Variants in PCDHGB5 observed in about 807,000 individuals in gnomAD.
The protein encoded by PCDHGB5 is protocadherin gamma-B5.
A neutral mutation model predicts 62.9 loss-of-function variants in PCDHGB5; 48 were observed. That is an observed-to-expected ratio of 0.76 (90% CI 0.61 to 0.97). The LOEUF is 0.97. Among genes scored for constraint, PCDHGB5 ranks in the 50% least tolerant of loss-of-function variants. The pLI is 0.00. For missense variants in PCDHGB5, 1,118 were observed against 1,198.6 expected, an observed-to-expected ratio of 0.93 and a Z score of 0.99; for synonymous variants, 474 against 511.2, an observed-to-expected ratio of 0.93 and a Z score of 0.98.
At position 141,432,202 on chromosome 5, in the gene PCDHGB5, T is replaced by C; in HGVS notation, c.2397+31678T>C. 1 of 1,614,120 alleles carries C rather than the reference T, an allele frequency of 6.2e-7. No homozygotes were observed. The highest frequency in any genetic ancestry group is 1.1e-5 in the South Asian group (1 of 91,072). ...CTGTGACCGCCCACGACCCCGACTGTGAAGAGAACGCCCAGATCACTTATT... is the reference window on the plus strand; with the variant it reads ...CTGTGACCGCCCACGACCCCGACTGCGAAGAGAACGCCCAGATCACTTATT... On this transcript the variant is annotated intron_variant, in intron 1 of 3. Coordinates refer to ENST00000617380, the MANE Select transcript of PCDHGB5 (RefSeq NM_018925.3). The surrounding 1 kb of genome is among the most constrained non-coding windows in gnomAD (Gnocchi z 6.0).
intron 1 of PCDHGB5, chr5:141,409,991 G>A: frequency 6.2e-6 from 10 of 1,613,320 alleles, no homozygotes; most frequent in Non-Finnish European, 7.6e-6. Flanking sequence ...GGTGGACGCC[G>A]ACTCGGGACA....
chr5:141,421,513 C>G lies in PCDHGB5; in HGVS notation c.2397+20989C>G, dbSNP rs368199651. ...GGCAGGCAGGATAGACCGGGAGGAG[C>G]TCTGTGAGACGGTGTCCTCCTGTTT... On this transcript the variant is annotated intron_variant, in intron 1 of 3. Coordinates refer to ENST00000617380, the MANE Select transcript of PCDHGB5 (RefSeq NM_018925.3). 61 of 1,614,078 alleles carry G rather than the reference C, an allele frequency of 3.8e-5. No individual in the cohort carries two copies. The African/African-American group carries it at 7.5e-4, about 20-fold the overall frequency.
chr5:141,478,415 C>T, intron 1 of PCDHGB5: 1 of 1,613,648 alleles, frequency 6.2e-7, no homozygotes, highest in Non-Finnish European at 8.5e-7. Flanking sequence ...CACGGACTCC[C>T]GCCGCAGCGA....
At chr5:141,421,164 A>C (rs1304650780) in intron 1 of PCDHGB5, 9 of 1,286,298 alleles carry the variant, frequency 7.0e-6, no homozygotes, top group Non-Finnish European at 9.4e-6. Context: ...GACTTCATAG[A>C]TACATAAGCC....
At chr5:141,502,363 T>C (rs1216939790) in intron 2 of PCDHGB5, among the ~76,000 whole-genome samples, 2 of 152,100 alleles carry the variant, frequency 1.3e-5, no homozygotes, top group African/African-American at 4.8e-5. Context: ...ATGGATATTT[T>C]TAAAGAGTCC....
At position 141,459,716 on chromosome 5, in the gene PCDHGB5, C is replaced by T. The variant is rs1592633942; in HGVS notation, c.2398-35091C>T. On this transcript the variant is annotated intron_variant, in intron 1 of 3. Coordinates refer to ENST00000617380, the MANE Select transcript of PCDHGB5 (RefSeq NM_018925.3). ...CGCTTGCTACATTTTCTCACCAATG[C>T]TTCCTATTGTCAATTTTTTAAATTT... is the stretch of plus-strand genomic sequence containing the variant. Among the ~76,000 whole-genome samples the T allele has an allele frequency of 2.0e-5, 3 of 152,334 alleles. No homozygotes were observed. In the South Asian group the frequency reaches 6.2e-4, roughly 32 times the overall value.
Position 141,409,613 on chromosome 5 carries a change from A to T in PCDHGB5, c.2397+9089A>T, listed in dbSNP as rs370495173. 6.6e-5 allele frequency: 107 copies of T among 1,613,738 alleles called. 1 individual carries two copies. The South Asian group carries it at 1.1e-3, about 17-fold the overall frequency. ...CGAGAACAACCCGCCAGGAGCCTCC[A>T]TTGCGCAAGTGAGCGCCTCTGACCC... On this transcript the variant is annotated intron_variant, in intron 1 of 3. Transcript: ENST00000617380.
Position 141,427,553 on chromosome 5 carries a change from TG to T in PCDHGB5, c.2397+27030del, listed in dbSNP as rs201716174. ...AGTACAACGTCACCATCACTGCCAC[TG>T]ACAAGGGCAAGCCTCCGCTCTCATC... On this transcript the variant is annotated intron_variant, in intron 1 of 3. Transcript: ENST00000617380. 2.7e-3 allele frequency: 1,760 copies of T among 646,124 alleles called. 23 individuals are homozygous for T. In the African/African-American group the frequency reaches 0.028, roughly 10 times the overall value. 40.0% of individuals were successfully genotyped at this position (646,124 alleles called of 1,614,324 possible).
In PCDHGB5 at chr5:141,399,205, A is replaced by G. The variant is rs1344993471; in HGVS notation, c.1078A>G (p.Thr360Ala). Reference sequence around the variant, plus strand: ...GATTCTGGAAAACGCGGTGCCTGGAACACTAATTGCTTTGATCAAAATACA... The same window carrying G: ...GATTCTGGAAAACGCGGTGCCTGGAGCACTAATTGCTTTGATCAAAATACA... ...EMILENAVPG[T>A]LIALIKIHDQ... The change falls in exon 1 of 4, where the codon ACA becomes GCA. Residue 360 changes from threonine to alanine, a missense_variant. Physicochemically the swap from Thr to Ala is moderately conservative, Grantham distance 58. Around this residue, in one of 2 missense-constraint regions of PCDHGB5, gnomAD observed 1,034 missense variants for 1,029.1 expected, o/e 1.00. Coordinates refer to ENST00000617380, the MANE Select transcript of PCDHGB5 (RefSeq NM_018925.3). The G allele has an allele frequency of 6.2e-7, 1 of 1,613,982 alleles. No homozygotes were observed. The highest frequency in any genetic ancestry group is 1.7e-5 in the Admixed American group (1 of 60,032).
chr5:141,472,850 G>A (rs1230517294), intron 1 of PCDHGB5, among the ~76,000 whole-genome samples: 1 of 151,876 alleles, frequency 6.6e-6, no homozygotes, highest in Admixed American at 6.6e-5. Flanking sequence ...GCTGGGCATG[G>A]TGGCACATGC....
intron 1 of PCDHGB5, among the ~76,000 whole-genome samples, chr5:141,443,297 A>G (rs1208893030): frequency 6.7e-6 from 1 of 148,196 alleles, no homozygotes; most frequent in East Asian, 2.0e-4. Context: ...CCTGGACAGC[A>G]TGGCAAAAAC....
At position 141,398,580 on chromosome 5, in the gene PCDHGB5, A is replaced by G; in HGVS notation, c.453A>G (p.Arg151=). ...QISESAQPGT[R]FILEVAEDAD... ...GTGAGTCTGCACAGCCTGGCACAAGATTTATACTAGAAGTAGCAGAAGATG... is the reference window on the plus strand; with the variant it reads ...GTGAGTCTGCACAGCCTGGCACAAGGTTTATACTAGAAGTAGCAGAAGATG... The change falls in exon 1 of 4, where the codon AGA becomes AGG. Residue 151 remains arginine, a synonymous_variant. Coordinates refer to ENST00000617380, the MANE Select transcript of PCDHGB5 (RefSeq NM_018925.3). The G allele has an allele frequency of 6.2e-7, 1 of 1,614,044 alleles. No homozygotes were observed. The highest frequency in any genetic ancestry group is 8.5e-7 in the Non-Finnish European group (1 of 1,179,900).
intron 1 of PCDHGB5, chr5:141,408,038 C>G (rs2095030679): frequency 8.6e-7 from 1 of 1,156,402 alleles, no homozygotes; most frequent in Admixed American, 3.0e-5. Flanking sequence ...AGAAAACCAG[C>G]TCCCACACAG....
intron 1 of PCDHGB5, chr5:141,415,740 G>GTTTTTTTTTTTTTTTTTTTTTTTTTTTTT (rs57426385): frequency 8.0e-6 from 5 of 625,030 alleles, no homozygotes; most frequent in African/African-American, 2.5e-5. Flanking sequence ...GTTTATTAAG[G>GTTTTTTTTTTTTTTTTTTTTTTTTTTTTT]TTTTTTTTTT....
intron 1 of PCDHGB5, chr5:141,420,386 A>G (rs1407565643): frequency 6.2e-6 from 8 of 1,284,798 alleles, no homozygotes; most frequent in Non-Finnish European, 7.2e-6. Context: ...AGTTCGCAAA[A>G]TATAGGTCAA....
In PCDHGB5 at chr5:141,400,377, A is replaced by G; in HGVS notation, c.2250A>G (p.Leu750=). The G allele has an allele frequency of 1.2e-6, 2 of 1,613,892 alleles. No homozygotes were observed. The highest frequency in any genetic ancestry group is 1.7e-6 in the Non-Finnish European group (2 of 1,179,888). The change falls in exon 1 of 4, where the codon CTA becomes CTG. Residue 750 remains leucine, a synonymous_variant. Coordinates refer to ENST00000617380, the MANE Select transcript of PCDHGB5 (RefSeq NM_018925.3). ...GGACTTTGCCTTATTCCTACAACCT[A>G]TGTGTTGCACATACAGGAAAGACGG... is the stretch of plus-strand genomic sequence containing the variant. ...SQGTLPYSYN[L]CVAHTGKTEF...
intron 1 of PCDHGB5, chr5:141,410,752 G>GT: frequency 4.4e-6 from 5 of 1,130,822 alleles, no homozygotes; most frequent in Non-Finnish European, 5.8e-6. Context: ...TTTTCTCAAT[G>GT]TTTTTTCAAT....
chr5:141,413,111 AG>A lies in PCDHGB5; in HGVS notation c.2397+12589del, dbSNP rs962952666. ...ACACCCTGAAGCCACAGAAAGACAA[AG>A]GAACCGGTTGAAACACACAACGTGT... On this transcript the variant is annotated intron_variant, in intron 1 of 3. Transcript: ENST00000617380. 4.7e-6 allele frequency: 7 copies of A among 1,499,852 alleles called. No individual in the cohort carries two copies. In the African/African-American group the frequency reaches 8.4e-5, roughly 18 times the overall value. 92.9% of individuals were successfully genotyped at this position (1,499,852 alleles called of 1,614,324 possible). A position where few individuals can be genotyped will look rare whatever the true frequency, so the allele number is the denominator to read the frequency against.
At chr5:141,433,295 G>A (rs754784548) in intron 1 of PCDHGB5, 22 of 1,044,006 alleles carry the variant, frequency 2.1e-5, no homozygotes, top group Non-Finnish European at 2.9e-5. Flanking sequence ...CTAGGCTCAA[G>A]CAATTATCCC....
Sources: gnomAD v4.1 joint callset for allele counts (sites outside exome capture counted in the v4.1 genomes callset) on GRCh38, gnomAD v4.1.1 for gene constraint, gnomAD v4.1.1 regional missense constraint, Gnocchi (gnomAD v3.1) non-coding constraint, MANE v1.5 for transcripts, NCBI Gene and HGNC (gene_info 2026-07-23, HGNC 2026-07-21) for gene names.